RMDN3: variants seen among roughly 807,000 people sequenced by gnomAD.
The protein encoded by RMDN3 is regulator of microtubule dynamics protein 3.
In RMDN3, 41 loss-of-function variants were observed where a neutral mutation model predicts 61.8. The observed-to-expected ratio is 0.66, with a 90% CI of 0.52 to 0.86. RMDN3 has a LOEUF of 0.86. Among genes scored for constraint, RMDN3 ranks in the 40% least tolerant of loss-of-function variants. The probability of loss-of-function intolerance (pLI) is 0.00; values close to 1 mark genes in which losing one functional copy is unlikely to be tolerated. For missense variants in RMDN3, 557 were observed against 585.3 expected (o/e 0.95, Z 0.50); for synonymous variants, 247 against 232.0 (o/e 1.06, Z -0.59).
At chr15:40,741,181 G>A (rs1301569438) in intron 6 of RMDN3, among the ~76,000 whole-genome samples, 3 of 151,600 alleles carry the variant, frequency 2.0e-5, no homozygotes, top group African/African-American at 7.3e-5. Flanking sequence ...TAAAATTTAA[G>A]TAAGTGGGGA....
chr15:40,748,859 C>CA (rs1345122451), intron 4 of RMDN3, among the ~76,000 whole-genome samples: 2 of 151,124 alleles, frequency 1.3e-5, no homozygotes, highest in Non-Finnish European at 2.9e-5. Flanking sequence ...CTCAGCCTCC[C>CA]AAAGTGCTGG....
rs558214361 is a variant in RMDN3 at position 40,737,159 on chromosome 15, T to G, written c.1324A>C (p.Lys442Gln). Residue 442 changes from lysine (K) to glutamine (Q), a missense_variant, in exon 12 of 13, where the codon AAG becomes CAG. Physicochemically the swap from Lys to Gln is moderately conservative, Grantham distance 53. Coordinates refer to ENST00000338376, the MANE Select transcript of RMDN3 (RefSeq NM_018145.3). ...GKNSEARWWM[K>Q]LALELPDVTK... ...ACATCTGGCAGCTCCAGGGCCAACT[T>G]CATCCACCATCTAGCTTCAGAGTTT... 32 of 1,614,234 alleles carry G rather than the reference T, an allele frequency of 2.0e-5. 1 individual carries two copies. The East Asian group carries it at 2.9e-4, about 15-fold the overall frequency.
chr15:40,737,769 GTTT>G (rs760445620), intron 9 of RMDN3, 43 bp from the exon 10 acceptor site: 1 of 1,583,890 alleles, frequency 6.3e-7, no homozygotes, highest in Non-Finnish European at 8.6e-7. Context: ...GTTTTAAAAG[GTTT>G]TTTTTCTTTA....
Position 40,754,670 on chromosome 15 carries a change from G to A in RMDN3, c.114C>T (p.Thr38=). Residue 38 remains threonine (T), a synonymous_variant, in exon 2 of 13, where the codon ACC becomes ACT. Transcript: ENST00000338376. ...CLLYSQRWKR[T]QRHGRSQSLP... ...GGCTCTGGCTGCGGCCATGACGCTGGGTCCGTTTCCATCGCTGGCTGTAAA... is the reference window on the plus strand; with the variant it reads ...GGCTCTGGCTGCGGCCATGACGCTGAGTCCGTTTCCATCGCTGGCTGTAAA... 6.2e-7 allele frequency: 1 copy of A among 1,614,136 alleles called. No individual in the cohort carries two copies. The highest frequency in any genetic ancestry group is 1.1e-5 in the South Asian group (1 of 91,076).
chr15:40,740,185 CTTCTT>C lies in RMDN3; in HGVS notation c.914_918del (p.Lys305ArgfsTer11). ...CCCTTCTCCAGAGCAGCCTCTGCTTCTTCTTTTCCTGTAGGACGAAGGTAGATCCA... is the reference window on the plus strand; with the variant it reads ...CCCTTCTCCAGAGCAGCCTCTGCTTCTTCCTGTAGGACGAAGGTAGATCCA... On this transcript the variant is annotated frameshift_variant, in exon 7 of 13. Transcript: ENST00000338376. LOFTEE classifies it high-confidence loss of function. 6.2e-7 allele frequency: 1 copy of C among 1,610,440 alleles called. No individual in the cohort carries two copies. The highest frequency in any genetic ancestry group is 2.2e-5 in the East Asian group (1 of 44,874).
rs1483527459 is a variant in RMDN3 at position 40,738,027 on chromosome 15, C to G, written c.1063G>C (p.Ala355Pro). Residue 355 changes from alanine to proline, a missense_variant, in exon 9 of 13, where the codon GCC (alanine) becomes CCC (proline). Coordinates refer to ENST00000338376, the MANE Select transcript of RMDN3 (RefSeq NM_018145.3). ...GGGTTTTCTGGCTGGAGAGCAATGGCTTTGTCCACATGCTCCTAAGGGGAA... is the reference window on the plus strand; with the variant it reads ...GGGTTTTCTGGCTGGAGAGCAATGGGTTTGTCCACATGCTCCTAAGGGGAA... ...GFSFKEHVDK[A>P]IALQPENPMA... 2.5e-6 allele frequency: 4 copies of G among 1,614,022 alleles called. No homozygotes were observed. In the African/African-American group the frequency reaches 5.3e-5, roughly 22 times the overall value.
intron 4 of RMDN3, chr15:40,747,773 A>T (rs1220671507): frequency 1.3e-5 from 2 of 152,056 alleles, no homozygotes; most frequent in African/African-American, 4.8e-5. Flanking sequence ...CTCTACTCTT[A>T]AGCAGTAATG....
At position 40,740,347 on chromosome 15, in the gene RMDN3, C is replaced by T. The variant is rs74824875; in HGVS notation, c.911-154G>A. Among the ~76,000 whole-genome samples, 2,157 of 152,298 alleles carry T rather than the reference C, an allele frequency of 0.014. 29 individuals carry two copies. The highest frequency in any genetic ancestry group is 0.037 in the Middle Eastern group (11 of 294). ...TGTGAACTTGAGCAGAATGAAAGGC[C>T]GCAAAGAAGCCAGTCACAGTGGCTC... On this transcript the variant is annotated intron_variant, in intron 6 of 12. Transcript: ENST00000338376.
At chr15:40,741,783 C>T (rs1221125781) in intron 6 of RMDN3, among the ~76,000 whole-genome samples, 1 of 151,574 alleles carries the variant, frequency 6.6e-6, no homozygotes, top group African/African-American at 2.4e-5. Flanking sequence ...TGTGTGCCAC[C>T]ACACCTGGCT....
At chr15:40,754,933 A>C in intron 1 of RMDN3, 143 bp from the exon 2 acceptor site, 1 of 654,280 alleles carries the variant, frequency 1.5e-6, no homozygotes, top group Non-Finnish European at 2.6e-6. Context: ...TGAGCTCTCG[A>C]CTACGTGCAC....
chr15:40,754,417 G>A (rs1897952947), intron 2 of RMDN3, among the ~76,000 whole-genome samples, 180 bp downstream of exon 2: 1 of 152,150 alleles, frequency 6.6e-6, no homozygotes, highest in Non-Finnish European at 1.5e-5. Context: ...CAAAGTGCTG[G>A]GATTACAGGC....
intron 6 of RMDN3, among the ~76,000 whole-genome samples, chr15:40,742,715 A>G (rs944955048): frequency 5.9e-5 from 9 of 152,176 alleles, no homozygotes; most frequent in Admixed American, 4.6e-4. Context: ...GGCCAGACCA[A>G]CCAAGTGCTG....
chr15:40,737,503 T>C, intron 10 of RMDN3, 125 bp downstream of exon 10: 1 of 1,134,368 alleles, frequency 8.8e-7, no homozygotes, highest in Non-Finnish European at 1.3e-6. Context: ...GGTTTTCCCA[T>C]AGAACAGGCA....
At position 40,745,217 on chromosome 15, in the gene RMDN3, A is replaced by G; in HGVS notation, c.567T>C (p.Ser189=). The change falls in exon 5 of 13, where the codon TCT becomes TCC. Residue 189 remains serine, a synonymous_variant. Coordinates refer to ENST00000338376, the MANE Select transcript of RMDN3 (RefSeq NM_018145.3). The part of the protein sequence containing the change: ...ANAESDNERD[S]DKESEDGEDE... The stretch of plus-strand genomic sequence containing the variant: ...CTTCCCCGTCCTCACTTTCTTTGTC[A>G]GAGTCCCGCTCATTGTCAGACTCCG... The G allele has an allele frequency of 1.2e-6, 2 of 1,614,032 alleles. No individual in the cohort carries two copies. The highest frequency in any genetic ancestry group is 1.7e-6 in the Non-Finnish European group (2 of 1,180,004).
intron 4 of RMDN3, among the ~76,000 whole-genome samples, chr15:40,748,163 G>A (rs1391562910): frequency 1.3e-5 from 2 of 152,168 alleles, no homozygotes; most frequent in South Asian, 2.1e-4. Flanking sequence ...GAAGAAGGAA[G>A]GAATACAGCT....
chr15:40,738,179 G>A (rs1449512168), intron 8 of RMDN3, 137 bp from the exon 9 acceptor site: 2 of 885,958 alleles, frequency 2.3e-6, no homozygotes, highest in South Asian at 1.5e-5. Flanking sequence ...CTGAGGTCAG[G>A]AGTTCGAAAC....
At position 40,754,779 on chromosome 15, in the gene RMDN3, G is replaced by C. The variant is rs920916054; in HGVS notation, c.5C>G (p.Ser2Cys). Residue 2 changes from serine to cysteine, a missense_variant, in exon 2 of 13, where the codon TCT becomes TGT. Physicochemically the swap from Ser to Cys is moderately radical, Grantham distance 112. Coordinates refer to ENST00000338376, the MANE Select transcript of RMDN3 (RefSeq NM_018145.3). ...GGCACCACCCAGGGCTCCCAGTCTA[G>C]ACATGCTGCACCTGCGGCCAGCAGA... M[S>C]RLGALGGARA... is the part of the protein sequence containing the mutation. 6 of 1,513,794 alleles carry C rather than the reference G, an allele frequency of 4.0e-6. No individual in the cohort carries two copies. Among genetic ancestry groups the C allele is most frequent in the Middle Eastern group, 2.0e-4 (1 of 4,930 alleles). The allele number at this position is 1,513,794 out of a possible 1,614,324, so 93.8% of individuals were successfully genotyped here.
At chr15:40,737,551 T>C in intron 10 of RMDN3, 77 bp downstream of exon 10, 5 of 1,366,602 alleles carry the variant, frequency 3.7e-6, no homozygotes, top group Non-Finnish European at 4.2e-6. Context: ...ACCCCTCCCA[T>C]TAAGGGTCTC....
intron 2 of RMDN3, 57 bp from the exon 3 acceptor site, chr15:40,752,235 T>G: frequency 6.5e-7 from 1 of 1,534,400 alleles, no homozygotes; most frequent in Non-Finnish European, 8.9e-7. Context: ...GGGGAAGAGA[T>G]CTCACACCCA....
Sources: gnomAD v4.1 joint callset for allele counts (sites outside exome capture counted in the v4.1 genomes callset) on GRCh38, gnomAD v4.1.1 for gene constraint, MANE v1.5 for transcripts, NCBI Gene and HGNC (gene_info 2026-07-23, HGNC 2026-07-21) for gene names.